The following SLC44A5 variants were observed in gnomAD, a reference collection of about 807,000 sequenced individuals.
SLC44A5 encodes choline transporter-like protein 5.
In SLC44A5, 57 loss-of-function variants were observed where a neutral mutation model predicts 101.8. That is an observed-to-expected ratio of 0.56 (90% confidence interval 0.45 to 0.70). SLC44A5 has a LOEUF of 0.70. Among genes scored for constraint, SLC44A5 ranks in the 30% least tolerant of loss-of-function variants. The pLI is 0.00. For synonymous variants in SLC44A5, 281 were observed against 290.9 expected (o/e 0.97, Z 0.35); for missense variants, 737 against 853.1 (o/e 0.86, Z 1.70).
chr1:75,495,783 C>T (rs996281795), intron 2 of SLC44A5, among the ~76,000 whole-genome samples: 1 of 151,942 alleles, frequency 6.6e-6, no homozygotes, highest in Admixed American at 6.6e-5. Flanking sequence ...ATGCAATCTC[C>T]ACAAAAAATT....
chr1:75,422,258 T>C (rs1467012508), intron 2 of SLC44A5, among the ~76,000 whole-genome samples: 2 of 152,196 alleles, frequency 1.3e-5, no homozygotes, highest in African/African-American at 4.8e-5. Flanking sequence ...TTCTAAGAGA[T>C]ATGATTTCTA....
At chr1:75,409,863 A>G (rs1249792) in intron 2 of SLC44A5, among the ~76,000 whole-genome samples, 53,057 of 151,822 alleles carry the variant, frequency 0.35, 9,485 homozygotes, top group Middle Eastern at 0.41. Flanking sequence ...TTGTTTCAGA[A>G]CTTATTCTCT....
chr1:75,597,506 A>C (rs1293472389), intron 1 of SLC44A5, among the ~76,000 whole-genome samples: 2 of 152,176 alleles, frequency 1.3e-5, no homozygotes, highest in East Asian at 3.9e-4. Flanking sequence ...CATACACAAA[A>C]AGAGTAAAGC....
At chr1:75,388,898 C>T (rs1661592262) in intron 3 of SLC44A5, among the ~76,000 whole-genome samples, 1 of 151,856 alleles carries the variant, frequency 6.6e-6, no homozygotes, top group South Asian at 2.1e-4. Context: ...AAAAAAGACC[C>T]AACCTTTCTC....
chr1:75,485,853 T>A (rs545540348), intron 2 of SLC44A5, among the ~76,000 whole-genome samples: 20 of 152,206 alleles, frequency 1.3e-4, no homozygotes, highest in Non-Finnish European at 2.4e-4. Flanking sequence ...CTTTACATAG[T>A]GGCAGGAGAG....
intron 5 of SLC44A5, among the ~76,000 whole-genome samples, chr1:75,285,832 A>G (rs1338108699): frequency 1.3e-5 from 2 of 151,892 alleles, no homozygotes; most frequent in Admixed American, 1.3e-4. Flanking sequence ...GGTTTGAGGG[A>G]GTACTAGATA....
chr1:75,440,129 G>A (rs187576147), intron 2 of SLC44A5, among the ~76,000 whole-genome samples: 1 of 152,204 alleles, frequency 6.6e-6, no homozygotes, highest in African/African-American at 2.4e-5. Flanking sequence ...TTGCCTTCAT[G>A]TAACTTACAT....
At chr1:75,224,789 A>G (rs1647163419) in intron 13 of SLC44A5, among the ~76,000 whole-genome samples, 1 of 151,954 alleles carries the variant, frequency 6.6e-6, no homozygotes, top group Non-Finnish European at 1.5e-5. Context: ...AAAAACTTTA[A>G]AAATAGAAAA....
intron 2 of SLC44A5, chr1:75,402,322 T>C (rs2101444397): frequency 4.3e-6 from 1 of 232,618 alleles, no homozygotes; most frequent in African/African-American, 2.3e-5. Context: ...CTCTGTAAAA[T>C]GGGATGGAGC....
chr1:75,504,662 A>C (rs1246967434), intron 2 of SLC44A5, among the ~76,000 whole-genome samples: 1 of 152,132 alleles, frequency 6.6e-6, no homozygotes, highest in Non-Finnish European at 1.5e-5. Context: ...AAAGGATGTC[A>C]ATACTGGAAA....
chr1:75,286,368 T>C (rs1653046487), intron 5 of SLC44A5, among the ~76,000 whole-genome samples: 2 of 152,172 alleles, frequency 1.3e-5, no homozygotes, highest in South Asian at 4.1e-4. Flanking sequence ...AGTCCTTATC[T>C]GTCAGGTGAG....
chr1:75,460,894 G>T (rs773012475), intron 2 of SLC44A5, among the ~76,000 whole-genome samples: 1 of 151,952 alleles, frequency 6.6e-6, no homozygotes, highest in Non-Finnish European at 1.5e-5. Context: ...TTCACTTTTA[G>T]TCAGGAATTT....
intron 23 of SLC44A5, among the ~76,000 whole-genome samples, chr1:75,210,467 T>A (rs2100445578): frequency 6.6e-6 from 1 of 152,292 alleles, no homozygotes; most frequent in Admixed American, 6.5e-5. Context: ...ACTCTATGTA[T>A]CAAAATTAAT....
At chr1:75,287,426 C>CTTTTTTTTTTTTTTTTTT (rs371647505) in intron 5 of SLC44A5, among the ~76,000 whole-genome samples, 1 of 69,908 alleles carries the variant, frequency 1.4e-5, no homozygotes, top group Non-Finnish European at 2.5e-5. Flanking sequence ...CTTCTGAATT[C>CTTTTTTTTTTTTTTTTTT]TTTTTTTTTT....
rs906167216 is a variant in SLC44A5 at position 75,223,966 on chromosome 1, C to G, written c.986-1506G>C. Among the ~76,000 whole-genome samples the G allele has an allele frequency of 2.0e-5, 3 of 152,048 alleles. No individual in the cohort carries two copies. The South Asian group carries it at 6.2e-4, about 32-fold the overall frequency. ...TAAGAGTCACTTTATGACATTGCAC[C>G]GTTAAAAAACCCTCTATATCTAACT... is the stretch of plus-strand genomic sequence containing the variant. On this transcript the variant is annotated intron_variant, in intron 13 of 23. Transcript: ENST00000370859.
chr1:75,376,531 C>G (rs1432310919), intron 3 of SLC44A5, among the ~76,000 whole-genome samples: 2 of 152,282 alleles, frequency 1.3e-5, no homozygotes, highest in Admixed American at 6.5e-5. Flanking sequence ...CCCTAAACCC[C>G]GAGCAGCCTA....
At chr1:75,207,186 C>G (rs1340375834) in intron 23 of SLC44A5, among the ~76,000 whole-genome samples, 1 of 152,060 alleles carries the variant, frequency 6.6e-6, no homozygotes, top group African/African-American at 2.4e-5. Context: ...CCCTGAGGCC[C>G]AGGGATATAA....
chr1:75,229,620 C>A (rs1287733362), intron 12 of SLC44A5, among the ~76,000 whole-genome samples: 1 of 152,204 alleles, frequency 6.6e-6, no homozygotes, highest in East Asian at 1.9e-4. Context: ...TCACTCCTTG[C>A]CCTACCATGG....
At chr1:75,698,666 G>A in the SLC44A5 span, among the ~76,000 whole-genome samples, 6 of 152,340 alleles carry the variant, frequency 3.9e-5, no homozygotes, top group Admixed American at 6.5e-5. Context: ...TGACTTGGAC[G>A]AGCTGAGAGA....
Sources: allele counts gnomAD v4.1 joint callset (sites outside exome capture counted in the v4.1 genomes callset), GRCh38; gene constraint gnomAD v4.1.1; transcripts MANE v1.5; gene names NCBI Gene and HGNC (gene_info 2026-07-23, HGNC 2026-07-21).